The following MYO1E variants were observed in gnomAD, a reference collection of about 807,000 sequenced individuals.
MYO1E encodes the protein unconventional myosin-Ie.
In MYO1E, 68 loss-of-function variants were observed where a neutral mutation model predicts 151.1. That is an observed-to-expected ratio of 0.45 (90% confidence interval 0.37 to 0.55). MYO1E has a LOEUF of 0.55. MYO1E is among the 20% of genes least tolerant of loss of function. The pLI, the probability that MYO1E is intolerant of heterozygous loss-of-function variation, is 0.00. For synonymous variants in MYO1E, 601 were observed against 501.7 expected (o/e 1.20, Z -2.64); for missense variants, 1,363 against 1,389.3 (o/e 0.98, Z 0.30).
intron 1 of MYO1E, among the ~76,000 whole-genome samples, chr15:59,327,039 G>T (rs2080669091): frequency 6.6e-6 from 1 of 152,226 alleles, no homozygotes; most frequent in African/African-American, 2.4e-5. Flanking sequence ...CTGGAACCTA[G>T]GTGGGGCTTT....
intron 18 of MYO1E, among the ~76,000 whole-genome samples, chr15:59,187,429 T>G (rs746010013): frequency 6.6e-6 from 1 of 152,148 alleles, no homozygotes; most frequent in Admixed American, 6.5e-5. Flanking sequence ...AGAAAATAAC[T>G]TATGTTGGCA....
At chr15:59,280,266 A>G (rs2140388486) in intron 1 of MYO1E, among the ~76,000 whole-genome samples, 1 of 152,354 alleles carries the variant, frequency 6.6e-6, no homozygotes, top group East Asian at 1.9e-4. Flanking sequence ...GTAAATGAAC[A>G]GTTAATGTAT....
intron 1 of MYO1E, among the ~76,000 whole-genome samples, chr15:59,336,591 TTTTTG>T (rs1206799306): frequency 3.9e-5 from 6 of 152,076 alleles, no homozygotes; most frequent in Admixed American, 6.6e-5. Context: ...CCCTGGTCTT[TTTTTG>T]TTTTGTTTTG....
chr15:59,218,156 T>C, intron 9 of MYO1E, 69 bp from the exon 10 acceptor site: 2 of 1,570,026 alleles, frequency 1.3e-6, no homozygotes, highest in South Asian at 1.1e-5. Flanking sequence ...CTCACAAACA[T>C]ATGGAGGCAC....
At chr15:59,270,020 G>A (rs2080279927) in intron 2 of MYO1E, among the ~76,000 whole-genome samples, 2 of 152,128 alleles carry the variant, frequency 1.3e-5, no homozygotes, top group African/African-American at 2.4e-5. Context: ...CTAAACAAAT[G>A]AGCATGGCTG....
chr15:59,176,849 G>C (rs1235717056), intron 19 of MYO1E, among the ~76,000 whole-genome samples: 2 of 152,114 alleles, frequency 1.3e-5, no homozygotes, highest in African/African-American at 2.4e-5. Context: ...CGGAGGTGAT[G>C]GTGTGCGTGT....
intron 1 of MYO1E, among the ~76,000 whole-genome samples, chr15:59,339,061 TAC>T (rs1228704290): frequency 6.6e-6 from 1 of 152,182 alleles, no homozygotes; most frequent in Non-Finnish European, 1.5e-5. Flanking sequence ...GAACCTGGGA[TAC>T]AGAGGTTGCA....
At chr15:59,172,077 C>T in intron 21 of MYO1E, 35 bp from the exon 22 acceptor site, 1 of 1,609,986 alleles carries the variant, frequency 6.2e-7, no homozygotes, top group Non-Finnish European at 8.5e-7. Context: ...GCTGGACAGG[C>T]CAGGCATGGT....
chr15:59,264,833 C>A (rs1242738549), intron 2 of MYO1E: 1 of 152,212 alleles, frequency 6.6e-6, no homozygotes, highest in African/African-American at 2.4e-5. Context: ...CCAGCCTGGG[C>A]AATCTAGTGA....
At chr15:59,362,006 T>G (rs1004687061) in intron 1 of MYO1E, among the ~76,000 whole-genome samples, 1 of 151,996 alleles carries the variant, frequency 6.6e-6, no homozygotes, top group Non-Finnish European at 1.5e-5. Flanking sequence ...CAGGCTAATT[T>G]TTGTATTTTT....
chr15:59,269,665 G>A (rs1051872482), intron 2 of MYO1E, among the ~76,000 whole-genome samples: 2 of 151,792 alleles, frequency 1.3e-5, no homozygotes, highest in Non-Finnish European at 2.9e-5. Flanking sequence ...AGACCATCCC[G>A]GCCAACATGG....
In MYO1E at chr15:59,161,093, G is replaced by A; in HGVS notation, c.2765C>T (p.Pro922Leu). The change falls in exon 24 of 28, where the codon CCT becomes CTT. Residue 922 changes from proline to leucine, a missense_variant. By Grantham distance (98) the Pro-to-Leu change is moderately conservative. Transcript: ENST00000288235. ...SNKVLQVSIG[P>L]GLPKNSRPTR... is the part of the protein sequence containing the mutation. ...CTTACGGGAGTTCTTGGGCAGTCCA[G>A]GTCCGATGCTGACCTGCAGCACTTT... 3 of 1,613,732 alleles carry A rather than the reference G, an allele frequency of 1.9e-6. No homozygotes were observed. The highest frequency in any genetic ancestry group is 2.5e-6 in the Non-Finnish European group (3 of 1,180,034).
intron 26 of MYO1E, among the ~76,000 whole-genome samples, chr15:59,151,582 G>A (rs2079479141): frequency 6.6e-6 from 1 of 152,224 alleles, no homozygotes. Context: ...TTAGAAGGAA[G>A]CTGCCAAGGC....
rs761037623 is a variant in MYO1E at position 59,272,398 on chromosome 15, T to C, written c.55A>G (p.Ser19Gly). 1 of 1,613,906 alleles carries C rather than the reference T, an allele frequency of 6.2e-7. No individual in the cohort carries two copies. Among genetic ancestry groups the C allele is most frequent in the Non-Finnish European group, 8.5e-7 (1 of 1,179,848 alleles). ...AGTAGCACCATGTCGTCCACACCAC[T>C]GTGCTTGACATTGTGGCTTTGCCAG... ...YHWQSHNVKH[S>G]GVDDMVLLSK... Residue 19 changes from serine to glycine, a missense_variant, in exon 2 of 28, where the codon AGT becomes GGT. Ser to Gly is a moderately conservative substitution (Grantham distance 56, BLOSUM62 0). Transcript: ENST00000288235.
At chr15:59,257,228 A>T (rs1338034962) in intron 3 of MYO1E, among the ~76,000 whole-genome samples, 25 of 152,206 alleles carry the variant, frequency 1.6e-4, no homozygotes, top group Admixed American at 1.6e-3. Context: ...CCTAGCCTGT[A>T]ATCACTCCAA....
At chr15:59,218,130 G>A in intron 9 of MYO1E, 43 bp from the exon 10 acceptor site, 1 of 1,603,650 alleles carries the variant, frequency 6.2e-7, no homozygotes, top group Non-Finnish European at 8.5e-7. Flanking sequence ...TCAGAATTGT[G>A]ACACTTCCAA....
chr15:59,283,413 C>CCA (rs2080369051), intron 1 of MYO1E, among the ~76,000 whole-genome samples: 1 of 152,074 alleles, frequency 6.6e-6, no homozygotes, highest in East Asian at 1.9e-4. Flanking sequence ...AAACTCTCAC[C>CCA]CAGCACAGGT....
At chr15:59,322,570 G>A (rs2080633734) in intron 1 of MYO1E, among the ~76,000 whole-genome samples, 1 of 152,182 alleles carries the variant, frequency 6.6e-6, no homozygotes, top group Admixed American at 6.5e-5. Context: ...TGCTTACCTA[G>A]CATGTGTAAG....
At chr15:59,228,862 C>T (rs147778711) in intron 6 of MYO1E, among the ~76,000 whole-genome samples, 57 of 152,260 alleles carry the variant, frequency 3.7e-4, no homozygotes, top group African/African-American at 1.3e-3. Flanking sequence ...TGTTCCTGTT[C>T]GTAATTATTC....
Sources: gnomAD v4.1 joint callset for allele counts (sites outside exome capture counted in the v4.1 genomes callset) on GRCh38, gnomAD v4.1.1 for gene constraint, MANE v1.5 for transcripts, NCBI Gene and HGNC (gene_info 2026-07-23, HGNC 2026-07-21) for gene names.